The following SIK3 variants were observed in gnomAD, a reference collection of about 807,000 sequenced individuals.
The protein encoded by SIK3 is SIK family kinase 3.
SIK3 carries 28 observed loss-of-function variants against 144.2 expected under a neutral mutation model. That is an observed-to-expected ratio of 0.19 (90% CI 0.14 to 0.27). The LOEUF (loss-of-function observed/expected upper bound fraction) is 0.27. SIK3 is among the 10% of genes least tolerant of loss of function. The pLI is 1.00. For synonymous variants in SIK3, 686 were observed against 676.3 expected, an observed-to-expected ratio of 1.01 and a Z score of -0.22; for missense variants, 1,319 against 1,776.0, an observed-to-expected ratio of 0.74 and a Z score of 4.62.
In SIK3 at chr11:116,875,993, G is replaced by A. The variant is rs865894323; in HGVS notation, c.1112C>T (p.Ala371Val). 4 of 1,613,234 alleles carry A rather than the reference G, an allele frequency of 2.5e-6. No homozygotes were observed. The highest frequency in any genetic ancestry group is 3.4e-6 in the Non-Finnish European group (4 of 1,179,866). Residue 371 changes from alanine (A) to valine (V), a missense_variant, in exon 9 of 25, where the codon GCC becomes GTC. By Grantham distance (64) the Ala-to-Val change is moderately conservative. Around this residue, in one of 8 missense-constraint regions of SIK3, gnomAD observed 109 missense variants for 109.3 expected, o/e 1.00. Coordinates refer to ENST00000445177, the MANE Select transcript of SIK3 (RefSeq NM_001366686.3). ...GTAGATTGCACTATAGTGATCATAGGCATCTGATCTTAATGACTACCAAGA... is the reference window on the plus strand; with the variant it reads ...GTAGATTGCACTATAGTGATCATAGACATCTGATCTTAATGACTACCAAGA... ...EQTLQSLRSD[A>V]YDHYSAIYSL... is the part of the protein sequence containing the mutation.
At chr11:116,946,337 C>A (rs576117624) in intron 3 of SIK3, among the ~76,000 whole-genome samples, 41 of 151,950 alleles carry the variant, frequency 2.7e-4, no homozygotes, top group Non-Finnish European at 5.7e-4. Flanking sequence ...GATAGGAAAC[C>A]CCTCTGTCAG....
At chr11:116,861,681 G>A (rs1591399140) in intron 18 of SIK3, among the ~76,000 whole-genome samples, 160 bp downstream of exon 18, 3 of 152,136 alleles carry the variant, frequency 2.0e-5, no homozygotes, top group Admixed American at 2.0e-4. Flanking sequence ...AGGAAGTTGG[G>A]ATTTCAAGAA....
At chr11:117,023,613 A>AAAC (rs1565567898) in intron 1 of SIK3, among the ~76,000 whole-genome samples, 2 of 85,584 alleles carry the variant, frequency 2.3e-5, no homozygotes, top group Admixed American at 1.0e-4. Context: ...AACAAACAAA[A>AAAC]AAAAAAAAAT....
chr11:117,037,572 T>G (rs920627846), intron 1 of SIK3, among the ~76,000 whole-genome samples: 2 of 152,186 alleles, frequency 1.3e-5, no homozygotes, highest in African/African-American at 4.8e-5. Context: ...GTGTTAGTAC[T>G]GAGGACGGGG....
chr11:117,021,070 T>C (rs190057844), intron 1 of SIK3, among the ~76,000 whole-genome samples: 329 of 152,306 alleles, frequency 2.2e-3, no homozygotes, highest in Admixed American at 4.3e-3. Context: ...GGACACCAGC[T>C]GGCAGCTGCT....
intron 1 of SIK3, among the ~76,000 whole-genome samples, chr11:117,049,631 T>A (rs373196590): frequency 1.4e-4 from 22 of 152,164 alleles, no homozygotes; most frequent in African/African-American, 4.3e-4. Flanking sequence ...AAAACCTTTT[T>A]TACCCCTGAA....
chr11:116,913,021 C>T (rs868314766), intron 4 of SIK3, among the ~76,000 whole-genome samples: 15 of 152,166 alleles, frequency 9.9e-5, no homozygotes, highest in African/African-American at 3.4e-4. Flanking sequence ...ACTGGCCAAA[C>T]CATATGACCT....
intron 1 of SIK3, among the ~76,000 whole-genome samples, chr11:116,964,813 C>T (rs891663649): frequency 2.6e-5 from 4 of 151,992 alleles, no homozygotes; most frequent in South Asian, 2.1e-4. Flanking sequence ...ACCCAGGAGG[C>T]GGAGGTTGCA....
intron 1 of SIK3, among the ~76,000 whole-genome samples, chr11:117,031,489 A>G (rs2135798975): frequency 7.9e-6 from 1 of 126,010 alleles, no homozygotes; most frequent in South Asian, 2.7e-4. Context: ...TGGCCAATGA[A>G]TACAGCATTT....
intron 3 of SIK3, among the ~76,000 whole-genome samples, chr11:116,936,000 T>G (rs1947896055): frequency 6.6e-6 from 1 of 152,138 alleles, no homozygotes; most frequent in Admixed American, 6.5e-5. Flanking sequence ...TTAGGCCAGG[T>G]GTGGTGGCTC....
chr11:117,022,216 G>A (rs1237277334), intron 1 of SIK3, among the ~76,000 whole-genome samples: 1 of 152,038 alleles, frequency 6.6e-6, no homozygotes, highest in East Asian at 1.9e-4. Flanking sequence ...AGAGGCACAA[G>A]GGAACTATCT....
chr11:117,052,116 GCAA>G (rs1447490411), intron 1 of SIK3, among the ~76,000 whole-genome samples: 1 of 151,952 alleles, frequency 6.6e-6, no homozygotes, highest in Non-Finnish European at 1.5e-5. Context: ...ACTCGACTGG[GCAA>G]CAAGAGTGAA....
At chr11:116,940,238 T>G (rs117877581) in intron 3 of SIK3, among the ~76,000 whole-genome samples, 11,013 of 151,158 alleles carry the variant, frequency 0.073, 498 homozygotes, top group African/African-American at 0.11. Context: ...TTTGTTTTTT[T>G]TTTTTTTTTG....
chr11:117,017,979 C>T (rs1046022942), intron 1 of SIK3, among the ~76,000 whole-genome samples: 4 of 152,066 alleles, frequency 2.6e-5, no homozygotes, highest in African/African-American at 7.2e-5. Context: ...CATGAAAATA[C>T]GAACACTTCA....
intron 1 of SIK3, among the ~76,000 whole-genome samples, chr11:116,992,235 G>T (rs1408391426): frequency 1.3e-5 from 2 of 150,896 alleles, no homozygotes; most frequent in Non-Finnish European, 2.9e-5. Context: ...TGAGGCAAGA[G>T]AATTGCTTGA....
chr11:116,911,796 T>C (rs1381608535), intron 4 of SIK3, among the ~76,000 whole-genome samples: 1 of 152,218 alleles, frequency 6.6e-6, no homozygotes, highest in East Asian at 1.9e-4. Context: ...ACTGAGCAGT[T>C]AGTTTTATGT....
intron 1 of SIK3, among the ~76,000 whole-genome samples, chr11:117,026,749 G>T (rs1159001198): frequency 6.6e-6 from 1 of 152,184 alleles, no homozygotes; most frequent in Non-Finnish European, 1.5e-5. Flanking sequence ...AGAGAAGGCT[G>T]GTGCTGGCAA....
At chr11:117,000,820 G>T (rs1410949180) in intron 1 of SIK3, among the ~76,000 whole-genome samples, 1 of 152,214 alleles carries the variant, frequency 6.6e-6, no homozygotes, top group African/African-American at 2.4e-5. Flanking sequence ...CTAGCCCAAT[G>T]AGATCATTAG....
At chr11:116,864,993 G>C (rs1325484325) in intron 15 of SIK3, 1 of 152,204 alleles carries the variant, frequency 6.6e-6, no homozygotes, top group East Asian at 1.9e-4. Flanking sequence ...CTCTACCTGA[G>C]GCTTGACCCA....
Sources: gnomAD v4.1 joint callset for allele counts (sites outside exome capture counted in the v4.1 genomes callset) on GRCh38, gnomAD v4.1.1 for gene constraint, gnomAD v4.1.1 regional missense constraint, MANE v1.5 for transcripts, NCBI Gene and HGNC (gene_info 2026-07-23, HGNC 2026-07-21) for gene names.